GSTCD: variants seen among roughly 807,000 people sequenced by gnomAD.
GSTCD encodes glutathione S-transferase C-terminal domain containing.
In GSTCD, 44 loss-of-function variants were observed where a neutral mutation model predicts 68.3. The observed-to-expected ratio is 0.64, with a 90% CI of 0.51 to 0.83. The LOEUF (loss-of-function observed/expected upper bound fraction) is 0.83. Among genes scored for constraint, GSTCD ranks in the 40% least tolerant of loss-of-function variants. The pLI, the probability that GSTCD is intolerant of heterozygous loss-of-function variation, is 0.00. For synonymous variants in GSTCD, 273 were observed against 255.2 expected, an observed-to-expected ratio of 1.07 and a Z score of -0.67; for missense variants, 739 against 735.9, an observed-to-expected ratio of 1.00 and a Z score of -0.05.
intron 5 of GSTCD, among the ~76,000 whole-genome samples, chr4:105,819,523 A>G (rs1373022713): frequency 6.6e-6 from 1 of 151,712 alleles, no homozygotes; most frequent in East Asian, 1.9e-4. Context: ...ATAAGTAGGT[A>G]TCTTACTTAT....
At chr4:105,727,801 T>C (rs1181787896) in intron 4 of GSTCD, among the ~76,000 whole-genome samples, 1 of 152,158 alleles carries the variant, frequency 6.6e-6, no homozygotes, top group Non-Finnish European at 1.5e-5. Context: ...TTCCCTAACA[T>C]TTGAAATGAT....
At chr4:105,756,054 T>G (rs1734176763) in intron 5 of GSTCD, among the ~76,000 whole-genome samples, 1 of 152,164 alleles carries the variant, frequency 6.6e-6, no homozygotes, top group Admixed American at 6.5e-5. Flanking sequence ...CATTTACTGG[T>G]TTATTAATAA....
At chr4:105,741,336 G>A (rs763450919) in intron 5 of GSTCD, among the ~76,000 whole-genome samples, 1 of 152,094 alleles carries the variant, frequency 6.6e-6, no homozygotes, top group Non-Finnish European at 1.5e-5. Flanking sequence ...TACAAAGATA[G>A]TAAAGAATTT....
At chr4:105,730,733 G>A (rs1015142456) in intron 5 of GSTCD, among the ~76,000 whole-genome samples, 54 of 152,280 alleles carry the variant, frequency 3.5e-4, no homozygotes, top group African/African-American at 1.3e-3. Flanking sequence ...CTGTGCAGAA[G>A]ATCTTTAGTT....
At chr4:105,743,467 T>A (rs992944151) in intron 5 of GSTCD, among the ~76,000 whole-genome samples, 2 of 152,082 alleles carry the variant, frequency 1.3e-5, no homozygotes, top group African/African-American at 4.8e-5. Flanking sequence ...GGCAACTCTT[T>A]AAATTCTTTT....
At chr4:105,740,465 G>T (rs1733596625) in intron 5 of GSTCD, among the ~76,000 whole-genome samples, 1 of 151,998 alleles carries the variant, frequency 6.6e-6, no homozygotes, top group African/African-American at 2.4e-5. Flanking sequence ...CTGAGTTTCT[G>T]TTACTTCTTT....
chr4:105,783,172 A>G (rs1397829707), intron 5 of GSTCD, among the ~76,000 whole-genome samples: 1 of 152,192 alleles, frequency 6.6e-6, no homozygotes, highest in African/African-American at 2.4e-5. Flanking sequence ...ATAGTACTAG[A>G]TTACATCTTC....
intron 5 of GSTCD, among the ~76,000 whole-genome samples, chr4:105,791,324 C>T (rs1447159079): frequency 1.4e-5 from 2 of 146,346 alleles, no homozygotes; most frequent in Non-Finnish European, 3.0e-5. Context: ...ACCTGGGAGG[C>T]GGAGCTTGCA....
At chr4:105,721,102 G>T (rs144555607) in intron 3 of GSTCD, among the ~76,000 whole-genome samples, 1 of 151,964 alleles carries the variant, frequency 6.6e-6, no homozygotes, top group African/African-American at 2.4e-5. Flanking sequence ...CTCCCAAGTA[G>T]CTGGGATTAT....
At chr4:105,787,848 G>A (rs1247089177) in intron 5 of GSTCD, among the ~76,000 whole-genome samples, 8 of 151,970 alleles carry the variant, frequency 5.3e-5, no homozygotes, top group Non-Finnish European at 1.0e-4. Flanking sequence ...TGTAAAGCAC[G>A]ATTTTTTGGT....
chr4:105,786,232 G>A (rs912214851), intron 5 of GSTCD, among the ~76,000 whole-genome samples: 6 of 150,918 alleles, frequency 4.0e-5, no homozygotes, highest in Admixed American at 6.6e-5. Context: ...TTTTAAGGCC[G>A]GGCATGGTGG....
chr4:105,834,373 T>A, intron 8 of GSTCD, 88 bp from the exon 9 acceptor site: 1 of 1,245,980 alleles, frequency 8.0e-7, no homozygotes, highest in Admixed American at 2.2e-5. Flanking sequence ...TCCTTTGGTA[T>A]GGCCAAATGA....
chr4:105,781,873 C>T (rs555537262), intron 5 of GSTCD, among the ~76,000 whole-genome samples: 3 of 151,036 alleles, frequency 2.0e-5, no homozygotes, highest in Non-Finnish European at 4.4e-5. Context: ...ACTTTTCCCA[C>T]AGTGGTCAGG....
At chr4:105,717,523 C>T in intron 1 of GSTCD, 70 bp from the exon 2 acceptor site, 4 of 973,576 alleles carry the variant, frequency 4.1e-6, no homozygotes, top group Non-Finnish European at 6.0e-6. Context: ...GCTTTTGAAA[C>T]ATTCATCTTT....
chr4:105,717,811 C>A lies in GSTCD; in HGVS notation c.198C>A (p.Asp66Glu), dbSNP rs754414231. Reference sequence around the variant, plus strand: ...GAGATAGTTCACTACTAAGAGATGACCTGATCCAGGATGTTGAAATACAGA... The same window carrying A: ...GAGATAGTTCACTACTAAGAGATGAACTGATCCAGGATGTTGAAATACAGA... ...VSRDSSLLRD[D>E]LIQDVEIQII... The change falls in exon 2 of 12, where the codon GAC becomes GAA. Residue 66 changes from aspartate (D) to glutamate (E), a missense_variant. By Grantham distance (45) the Asp-to-Glu change is conservative. Transcript: ENST00000515279. 2 of 1,613,906 alleles carry A rather than the reference C, an allele frequency of 1.2e-6. No individual in the cohort carries two copies. Among genetic ancestry groups the A allele is most frequent in the South Asian group, 1.1e-5 (1 of 91,080 alleles).
chr4:105,791,791 C>A (rs1457451400), intron 5 of GSTCD, among the ~76,000 whole-genome samples: 1 of 149,866 alleles, frequency 6.7e-6, no homozygotes, highest in Non-Finnish European at 1.5e-5. Flanking sequence ...TACAGTATTC[C>A]AAATGCATAG....
chr4:105,718,730 A>AT (rs1200733141), intron 2 of GSTCD, among the ~76,000 whole-genome samples: 3 of 152,178 alleles, frequency 2.0e-5, no homozygotes, highest in Admixed American at 2.0e-4. Flanking sequence ...TTTAAATGGA[A>AT]TGTTTACATA....
chr4:105,750,101 A>G (rs1387790811), intron 5 of GSTCD, among the ~76,000 whole-genome samples: 1 of 152,232 alleles, frequency 6.6e-6, no homozygotes, highest in Non-Finnish European at 1.5e-5. Context: ...AATTAATATC[A>G]GGGAAATGTA....
intron 8 of GSTCD, among the ~76,000 whole-genome samples, chr4:105,829,838 C>A: frequency 6.6e-6 from 1 of 150,864 alleles, no homozygotes; most frequent in South Asian, 2.1e-4. Context: ...AAAGAGGGAA[C>A]GATCAGAGAA....
Sources: gnomAD v4.1 joint callset for allele counts (sites outside exome capture counted in the v4.1 genomes callset) on GRCh38, gnomAD v4.1.1 for gene constraint, MANE v1.5 for transcripts, NCBI Gene and HGNC (gene_info 2026-07-23, HGNC 2026-07-21) for gene names.